The following ABCC1 variants were observed in gnomAD, a reference collection of about 807,000 sequenced individuals.
ABCC1 encodes the protein ATP binding cassette subfamily C member 1 (ABCC1 blood group), also known as multidrug resistance-associated protein 1.
In ABCC1, 83 loss-of-function variants were observed where a neutral mutation model predicts 172.9. That is an observed-to-expected ratio of 0.48 (90% CI 0.40 to 0.58). ABCC1 has a LOEUF of 0.58. Among genes scored for constraint, ABCC1 ranks in the 20% least tolerant of loss-of-function variants. The pLI, the probability that ABCC1 is intolerant of heterozygous loss-of-function variation, is 0.00. For missense variants in ABCC1, 1,817 were observed against 2,002.7 expected (o/e 0.91, Z 1.77); for synonymous variants, 937 against 825.2 (o/e 1.14, Z -2.32).
At chr16:16,064,176 C>T (rs560583608) in intron 12 of ABCC1, among the ~76,000 whole-genome samples, 2 of 152,056 alleles carry the variant, frequency 1.3e-5, no homozygotes, top group Admixed American at 6.6e-5. Context: ...TGGTTTTCCA[C>T]GTTTCTCAGA....
At chr16:16,091,825 G>C (rs1261938427) in intron 19 of ABCC1, among the ~76,000 whole-genome samples, 2 of 152,238 alleles carry the variant, frequency 1.3e-5, no homozygotes, top group Non-Finnish European at 2.9e-5. Context: ...ATACACAGCA[G>C]CTGCTGGCAG....
At chr16:15,979,313 A>AAAC (rs1280490211) in intron 1 of ABCC1, among the ~76,000 whole-genome samples, 134 of 150,290 alleles carry the variant, frequency 8.9e-4, no homozygotes, top group African/African-American at 1.2e-3. Flanking sequence ...AACAAACAAA[A>AAAC]AAAAAACAAA....
intron 1 of ABCC1, among the ~76,000 whole-genome samples, chr16:15,978,106 A>C (rs2046533106): frequency 6.6e-6 from 1 of 152,186 alleles, no homozygotes; most frequent in Admixed American, 6.5e-5. Flanking sequence ...CATGGTGCTC[A>C]TGCCTGTAAT....
chr16:16,065,398 C>T (rs1197236115), intron 12 of ABCC1, among the ~76,000 whole-genome samples: 1 of 152,014 alleles, frequency 6.6e-6, no homozygotes, highest in Non-Finnish European at 1.5e-5. Flanking sequence ...GTAGCTAGGA[C>T]TACAGGTGCA....
chr16:16,127,563 C>G (rs1001438177), intron 26 of ABCC1, among the ~76,000 whole-genome samples: 2 of 152,150 alleles, frequency 1.3e-5, no homozygotes, highest in African/African-American at 4.8e-5. Context: ...AGACAAAAAG[C>G]TGAAGTTACT....
intron 19 of ABCC1, among the ~76,000 whole-genome samples, chr16:16,099,335 G>A (rs933575010): frequency 4.6e-5 from 7 of 152,202 alleles, no homozygotes; most frequent in African/African-American, 1.7e-4. Flanking sequence ...AGCGCCTGTT[G>A]GGGAACTGCA....
At chr16:15,987,058 A>G (rs1248037004) in intron 1 of ABCC1, among the ~76,000 whole-genome samples, 3 of 152,124 alleles carry the variant, frequency 2.0e-5, no homozygotes, top group Non-Finnish European at 4.4e-5. Context: ...CCAGCTACTC[A>G]GGAGGCTGAG....
chr16:16,129,557 CAGA>C (rs2045594378), intron 26 of ABCC1, among the ~76,000 whole-genome samples: 1 of 145,404 alleles, frequency 6.9e-6, no homozygotes, highest in East Asian at 2.1e-4. Flanking sequence ...TTTTTTGAGA[CAGA>C]GGAGTCTTGC....
intron 14 of ABCC1, among the ~76,000 whole-genome samples, 186 bp downstream of exon 14, chr16:16,071,915 T>C (rs969239349): frequency 3.9e-5 from 6 of 152,334 alleles, no homozygotes; most frequent in Admixed American, 2.0e-4. Context: ...CCTGGCCTCC[T>C]GGGCTTCTGT....
At chr16:16,138,609 A>G (rs375484554) in intron 30 of ABCC1, 51 bp downstream of exon 30, 12 of 1,408,686 alleles carry the variant, frequency 8.5e-6, no homozygotes, top group Non-Finnish European at 1.1e-5. Flanking sequence ...TGCCTTACTC[A>G]CTGGCTCACT....
At chr16:16,070,865 G>A (rs1161542405) in intron 13 of ABCC1, among the ~76,000 whole-genome samples, 1 of 151,940 alleles carries the variant, frequency 6.6e-6, no homozygotes, top group Admixed American at 6.6e-5. Flanking sequence ...AAATATTTCA[G>A]CATGCATTTC....
At chr16:15,975,994 G>A (rs1038340488) in intron 1 of ABCC1, among the ~76,000 whole-genome samples, 9 of 152,062 alleles carry the variant, frequency 5.9e-5, no homozygotes, top group African/African-American at 1.7e-4. Context: ...GGCCAGACGC[G>A]GTGGCTTACG....
chr16:16,061,353 G>A (rs1214152805), intron 12 of ABCC1, among the ~76,000 whole-genome samples: 3 of 152,236 alleles, frequency 2.0e-5, no homozygotes, highest in African/African-American at 4.8e-5. Context: ...TTCGCCAACA[G>A]GTCATCCTTT....
intron 1 of ABCC1, among the ~76,000 whole-genome samples, chr16:15,993,786 T>G (rs2046959253): frequency 1.3e-5 from 2 of 152,146 alleles, no homozygotes; most frequent in Non-Finnish European, 2.9e-5. Context: ...GTAGAATGTT[T>G]CCATGTCTGA....
At chr16:15,960,540 G>T (rs2046103837) in intron 1 of ABCC1, among the ~76,000 whole-genome samples, 1 of 152,184 alleles carries the variant, frequency 6.6e-6, no homozygotes, top group Non-Finnish European at 1.5e-5. Context: ...TTCTCATGGG[G>T]TTTACACTGA....
intron 19 of ABCC1, among the ~76,000 whole-genome samples, chr16:16,091,404 CAAAAAA>C (rs10648689): frequency 9.2e-6 from 1 of 108,682 alleles, no homozygotes; most frequent in Non-Finnish European, 1.8e-5. Flanking sequence ...CCCAACTCTA[CAAAAAA>C]AAAAAAAAAA....
intron 10 of ABCC1, among the ~76,000 whole-genome samples, chr16:16,048,763 G>A (rs1236648193): frequency 6.6e-6 from 1 of 152,200 alleles, no homozygotes; most frequent in African/African-American, 2.4e-5. Context: ...GAGGCGGGCA[G>A]ATCACCTGAG....
intron 30 of ABCC1, 60 bp from the exon 31 acceptor site, chr16:16,141,113 C>A (rs1596567208): frequency 6.7e-7 from 1 of 1,501,882 alleles, no homozygotes; most frequent in African/African-American, 1.4e-5. Context: ...TCAGTTGTCC[C>A]AGGGGCACGA....
At chr16:16,124,315 C>CTGTGTGTGTGTGTG (rs11270322) in intron 24 of ABCC1, among the ~76,000 whole-genome samples, 4 of 36,794 alleles carry the variant, frequency 1.1e-4, no homozygotes, top group Non-Finnish European at 1.7e-4. Context: ...TGTTAATGCA[C>CTGTGTGTGTGTGTG]TGTGTGTGTG....
Sources: gnomAD v4.1 joint callset for allele counts (sites outside exome capture counted in the v4.1 genomes callset) on GRCh38, gnomAD v4.1.1 for gene constraint, MANE v1.5 for transcripts, NCBI Gene and HGNC (gene_info 2026-07-23, HGNC 2026-07-21) for gene names.